PARD3B: variants seen among roughly 807,000 people sequenced by gnomAD.
The protein encoded by PARD3B is partitioning defective 3 homolog B.
In PARD3B, 103 loss-of-function variants were observed where a neutral mutation model predicts 130.2. The observed-to-expected ratio is 0.79, with a 90% CI of 0.67 to 0.93. The LOEUF (loss-of-function observed/expected upper bound fraction) is 0.93. Among genes scored for constraint, PARD3B ranks in the 40% least tolerant of loss-of-function variants. The pLI is 0.00. For missense variants in PARD3B, 1,609 were observed against 1,499.2 expected (o/e 1.07, Z -1.21); for synonymous variants, 583 against 553.2 (o/e 1.05, Z -0.76).
chr2:205,222,962 G>A (rs1239914472), intron 15 of PARD3B, among the ~76,000 whole-genome samples: 1 of 152,106 alleles, frequency 6.6e-6, no homozygotes, highest in African/African-American at 2.4e-5. Flanking sequence ...CTTCATTGAG[G>A]TTGTCCATAA....
intron 2 of PARD3B, among the ~76,000 whole-genome samples, chr2:204,938,890 T>C (rs1321327715): frequency 6.6e-6 from 1 of 152,148 alleles, no homozygotes; most frequent in Non-Finnish European, 1.5e-5. Flanking sequence ...TATATCTGGA[T>C]GAATAAGTGA....
At chr2:205,498,045 A>ACACACAC (rs1559149195) in intron 20 of PARD3B, among the ~76,000 whole-genome samples, 2 of 151,206 alleles carry the variant, frequency 1.3e-5, no homozygotes, top group Non-Finnish European at 2.9e-5. Flanking sequence ...ACACACACAC[A>ACACACAC]AAGAATTTGC....
intron 3 of PARD3B, among the ~76,000 whole-genome samples, chr2:205,039,563 G>A (rs1175932239): frequency 6.6e-6 from 1 of 151,946 alleles, no homozygotes; most frequent in African/African-American, 2.4e-5. Context: ...TCTGCCTCCC[G>A]GATTCAGGTA....
chr2:205,535,812 A>G (rs576428304), intron 21 of PARD3B, among the ~76,000 whole-genome samples: 23 of 152,310 alleles, frequency 1.5e-4, no homozygotes, highest in Non-Finnish European at 2.8e-4. Context: ...CCTGATTTCA[A>G]TAACTCACAG....
chr2:205,574,037 G>T (rs149102860), intron 22 of PARD3B, among the ~76,000 whole-genome samples: 2 of 152,076 alleles, frequency 1.3e-5, no homozygotes, highest in Non-Finnish European at 2.9e-5. Context: ...CAGCTTCACC[G>T]CAGAATAGCA....
At chr2:205,070,652 A>G (rs1053609621) in intron 4 of PARD3B, among the ~76,000 whole-genome samples, 5 of 152,166 alleles carry the variant, frequency 3.3e-5, no homozygotes, top group African/African-American at 1.2e-4. Context: ...CAAAAGATAC[A>G]TAATAAGTTT....
chr2:205,544,449 A>C (rs1204814161), intron 21 of PARD3B, among the ~76,000 whole-genome samples: 2 of 152,094 alleles, frequency 1.3e-5, no homozygotes, highest in Non-Finnish European at 2.9e-5. Flanking sequence ...GCACACGTGC[A>C]CATACACACA....
chr2:205,298,956 A>C (rs965542593), intron 16 of PARD3B, among the ~76,000 whole-genome samples: 2 of 152,140 alleles, frequency 1.3e-5, no homozygotes, highest in African/African-American at 4.8e-5. Context: ...TGTGTGCCTC[A>C]ATTTCTGAAT....
At chr2:205,546,532 G>A (rs1027636807) in intron 21 of PARD3B, among the ~76,000 whole-genome samples, 8 of 152,134 alleles carry the variant, frequency 5.3e-5, no homozygotes, top group African/African-American at 1.7e-4. Flanking sequence ...AGTTCTTCAA[G>A]CAGGAATATT....
chr2:205,310,104 A>C (rs1217122080), intron 18 of PARD3B, among the ~76,000 whole-genome samples: 1 of 92,820 alleles, frequency 1.1e-5, no homozygotes, highest in African/African-American at 5.2e-5. Flanking sequence ...TTTTTTTTTG[A>C]GACAGAGTCT....
intron 22 of PARD3B, among the ~76,000 whole-genome samples, chr2:205,559,910 A>G (rs925832294): frequency 5.3e-5 from 8 of 152,054 alleles, no homozygotes; most frequent in African/African-American, 1.9e-4. Flanking sequence ...AGATTTCTAA[A>G]TAGTTCATCC....
chr2:205,042,081 T>G (rs541538632), intron 3 of PARD3B, among the ~76,000 whole-genome samples: 15 of 152,176 alleles, frequency 9.9e-5, no homozygotes, highest in Non-Finnish European at 2.2e-4. Flanking sequence ...TCTTGCATGA[T>G]TCATTGGTAT....
At chr2:205,069,996 G>C (rs1211775771) in intron 4 of PARD3B, among the ~76,000 whole-genome samples, 1 of 152,076 alleles carries the variant, frequency 6.6e-6, no homozygotes, top group African/African-American at 2.4e-5. Context: ...CCCACCCTTG[G>C]CATGTTTAGC....
At chr2:204,918,430 A>G (rs1029742824) in intron 2 of PARD3B, among the ~76,000 whole-genome samples, 2 of 152,062 alleles carry the variant, frequency 1.3e-5, no homozygotes, top group Non-Finnish European at 2.9e-5. Flanking sequence ...GGAGATCGAG[A>G]CCATCCCGGC....
At chr2:205,613,901 G>A (rs2055325876) in intron 22 of PARD3B, among the ~76,000 whole-genome samples, 1 of 152,186 alleles carries the variant, frequency 6.6e-6, no homozygotes, top group Non-Finnish European at 1.5e-5. Context: ...CTCATTGACA[G>A]TGCTTGATTA....
intron 3 of PARD3B, among the ~76,000 whole-genome samples, chr2:205,038,967 A>G (rs1050376829): frequency 2.0e-5 from 3 of 152,138 alleles, no homozygotes; most frequent in Admixed American, 1.3e-4. Flanking sequence ...TAGCTGCTGC[A>G]TTCATCACAG....
At chr2:204,844,807 GTTTTA>G (rs1205057131) in intron 2 of PARD3B, among the ~76,000 whole-genome samples, 2 of 152,018 alleles carry the variant, frequency 1.3e-5, no homozygotes, top group African/African-American at 2.4e-5. Flanking sequence ...AAAGTTGTAC[GTTTTA>G]TTTTATTTGA....
intron 2 of PARD3B, among the ~76,000 whole-genome samples, chr2:204,855,655 G>C (rs963366272): frequency 3.3e-5 from 5 of 151,802 alleles, no homozygotes; most frequent in Admixed American, 1.3e-4. Flanking sequence ...TACTCCTCCA[G>C]TCTAATGAAA....
intron 15 of PARD3B, among the ~76,000 whole-genome samples, chr2:205,198,117 C>G (rs1444633194): frequency 2.0e-5 from 3 of 152,168 alleles, no homozygotes; most frequent in Non-Finnish European, 2.9e-5. Context: ...ACTCTGTAGC[C>G]CCATTCAGAG....
Sources: allele counts gnomAD v4.1 joint callset (sites outside exome capture counted in the v4.1 genomes callset), GRCh38; gene constraint gnomAD v4.1.1; transcripts MANE v1.5; gene names NCBI Gene and HGNC (gene_info 2026-07-23, HGNC 2026-07-21).